FYCO1: variants seen among roughly 807,000 people sequenced by gnomAD.
FYCO1 encodes FYVE and coiled-coil domain-containing protein 1.
In FYCO1, 122 loss-of-function variants were observed where a neutral mutation model predicts 165.1. The observed-to-expected ratio is 0.74, with a 90% CI of 0.64 to 0.86. The LOEUF (loss-of-function observed/expected upper bound fraction) is 0.86. Ranked by LOEUF, FYCO1 falls within the 40% of genes least tolerant of loss-of-function variation. The pLI is 0.00. For synonymous variants in FYCO1, 648 were observed against 742.5 expected, an observed-to-expected ratio of 0.87 and a Z score of 2.07; for missense variants, 1,702 against 1,810.3, an observed-to-expected ratio of 0.94 and a Z score of 1.09.
chr3:45,939,907 A>G lies in FYCO1; in HGVS notation c.3945-3364T>C, dbSNP rs1024185215. ...GCATTAGCCACATTTCAAGTGCTCA[A>G]TTCAAGTGGCACTAGCCACCTGGAC... is the stretch of plus-strand genomic sequence containing the variant. On this transcript the variant is annotated intron_variant, in intron 14 of 17. Transcript: ENST00000296137. 1.7e-4 allele frequency among the ~76,000 whole-genome samples: 26 copies of G among 152,200 alleles called. 1 individual carries two copies. The highest frequency in any genetic ancestry group is 6.0e-4 in the African/African-American group (25 of 41,458).
intron 14 of FYCO1, chr3:45,946,655 C>T: frequency 6.2e-7 from 1 of 1,614,218 alleles, no homozygotes; most frequent in Non-Finnish European, 8.5e-7. Flanking sequence ...TATCCATCTT[C>T]TACCATAAGT....
intron 14 of FYCO1, among the ~76,000 whole-genome samples, chr3:45,937,334 G>A (rs1373010015): frequency 6.6e-6 from 1 of 152,222 alleles, no homozygotes; most frequent in Non-Finnish European, 1.5e-5. Context: ...GAAACAATCT[G>A]TGCTCTTCCA....
intron 2 of FYCO1, among the ~76,000 whole-genome samples, chr3:45,982,691 C>G (rs992324170): frequency 6.6e-6 from 1 of 152,140 alleles, no homozygotes; most frequent in African/African-American, 2.4e-5. Flanking sequence ...ATTCCTAAAC[C>G]CTGCTCCCAA....
Position 45,993,103 on chromosome 3 carries a change from A to AT in FYCO1, c.-113+2618dup, listed in dbSNP as rs1707636378. Among the ~76,000 whole-genome samples, 1 of 152,140 alleles carries AT rather than the reference A, an allele frequency of 6.6e-6. No individual in the cohort carries two copies. The highest frequency in any genetic ancestry group is 2.1e-4 in the South Asian group (1 of 4,830). ...CCACAATACTATACCCAAACCACAG[A>AT]TTCTCCTTAAGTCTTTCATCAGAAC... On this transcript the variant is annotated intron_variant, in intron 1 of 17. Coordinates refer to ENST00000296137, the MANE Select transcript of FYCO1 (RefSeq NM_024513.4). The surrounding 1 kb of genome is among the most constrained non-coding windows in gnomAD (Gnocchi z 4.4).
chr3:45,975,693 A>G (rs1467331095), intron 4 of FYCO1, among the ~76,000 whole-genome samples: 1 of 152,222 alleles, frequency 6.6e-6, no homozygotes, highest in East Asian at 1.9e-4. Context: ...TTGGAGTCAG[A>G]TAGGAACCAA....
intron 16 of FYCO1, among the ~76,000 whole-genome samples, chr3:45,926,819 CTGGGCATGG>C (rs1328671720): frequency 6.6e-6 from 1 of 152,184 alleles, no homozygotes; most frequent in African/African-American, 2.4e-5. Flanking sequence ...ACAAAATTAT[CTGGGCATGG>C]TGGCGCATGC....
intron 14 of FYCO1, among the ~76,000 whole-genome samples, chr3:45,937,407 C>T (rs1378225540): frequency 6.6e-6 from 1 of 152,200 alleles, no homozygotes; most frequent in Non-Finnish European, 1.5e-5. Flanking sequence ...CTCTGTGGCC[C>T]CCAAGGGCAG....
At chr3:45,922,276 T>C (rs1703121488) in intron 17 of FYCO1, among the ~76,000 whole-genome samples, 1 of 152,256 alleles carries the variant, frequency 6.6e-6, no homozygotes, top group South Asian at 2.1e-4. Flanking sequence ...GCCCCTGAGA[T>C]GACCTCGATG....
chr3:45,947,732 G>A (rs1704725605), intron 14 of FYCO1: 1 of 548,900 alleles, frequency 1.8e-6, no homozygotes. Context: ...AATTTTTAAG[G>A]ACTTTCCTTC....
At chr3:45,950,435 T>G (rs1336071994) in intron 14 of FYCO1, among the ~76,000 whole-genome samples, 2 of 152,072 alleles carry the variant, frequency 1.3e-5, no homozygotes, top group African/African-American at 4.8e-5. Flanking sequence ...CCAGGTGTCC[T>G]CCGTAGGTGT....
intron 5 of FYCO1, among the ~76,000 whole-genome samples, chr3:45,974,554 T>A (rs939544889): frequency 1.3e-5 from 2 of 151,022 alleles, no homozygotes; most frequent in African/African-American, 2.5e-5. Context: ...CCCTTTGTAG[T>A]TTTTTTTAGA....
chr3:45,953,361 T>C (rs1209249541), intron 14 of FYCO1, among the ~76,000 whole-genome samples: 1 of 152,184 alleles, frequency 6.6e-6, no homozygotes, highest in Non-Finnish European at 1.5e-5. Context: ...CATAAATTCT[T>C]TCTTGAGGTT....
intron 15 of FYCO1, among the ~76,000 whole-genome samples, chr3:45,935,394 C>A (rs1434985459): frequency 6.6e-6 from 1 of 152,224 alleles, no homozygotes; most frequent in Non-Finnish European, 1.5e-5. Context: ...AAAGTCCTTA[C>A]AATGGCCAAC....
intron 2 of FYCO1, 21 bp downstream of exon 2, chr3:45,984,835 C>T: frequency 6.2e-7 from 1 of 1,614,130 alleles, no homozygotes; most frequent in East Asian, 2.2e-5. Context: ...CAAACTCAGC[C>T]TGCCCAGCAA....
chr3:45,950,474 G>A (rs954622547), intron 14 of FYCO1, among the ~76,000 whole-genome samples: 1 of 152,122 alleles, frequency 6.6e-6, no homozygotes, highest in African/African-American at 2.4e-5. Context: ...TGCCATAGAA[G>A]GGAAAAGCCT....
chr3:45,957,621 A>G (rs547265619), intron 13 of FYCO1, among the ~76,000 whole-genome samples: 1 of 152,380 alleles, frequency 6.6e-6, no homozygotes, highest in East Asian at 1.9e-4. Context: ...AAGCTGTGCA[A>G]AGTACACTCC....
intron 1 of FYCO1, among the ~76,000 whole-genome samples, chr3:45,989,327 A>G (rs13315494): frequency 0.02 from 2,990 of 152,282 alleles, 104 homozygotes; most frequent in African/African-American, 0.065. Flanking sequence ...CTGGTTCAGC[A>G]CACCCAACGG....
At position 45,923,692 on chromosome 3, in the gene FYCO1, C is replaced by G; in HGVS notation, c.4325G>C (p.Gly1442Ala). The G allele has an allele frequency of 6.2e-7, 1 of 1,614,070 alleles. No individual in the cohort carries two copies. Among genetic ancestry groups the G allele is most frequent in the Non-Finnish European group, 8.5e-7 (1 of 1,179,926 alleles). ...IQGQLKVRTPGIYMLIFDNTF... is the reference protein window; with the variant it reads ...IQGQLKVRTPAIYMLIFDNTF... Reference sequence around the variant, plus strand: ...ATTGTCGAAGATGAGCATGTAGATGCCGGGTGTGCGAACCTTGAGCTGGCC... The same window carrying G: ...ATTGTCGAAGATGAGCATGTAGATGGCGGGTGTGCGAACCTTGAGCTGGCC... The change falls in exon 17 of 18, where the codon GGC becomes GCC. Residue 1442 changes from glycine to alanine, a missense_variant. By Grantham distance (60) the Gly-to-Ala change is moderately conservative. Coordinates refer to ENST00000296137, the MANE Select transcript of FYCO1 (RefSeq NM_024513.4).
intron 2 of FYCO1, among the ~76,000 whole-genome samples, chr3:45,984,148 G>T (rs751467655): frequency 1.5e-4 from 23 of 152,338 alleles, no homozygotes; most frequent in Non-Finnish European, 3.1e-4. Flanking sequence ...GTCAGCACTG[G>T]TGATGAGTGG....
Sources: gnomAD v4.1 joint callset for allele counts (sites outside exome capture counted in the v4.1 genomes callset) on GRCh38, gnomAD v4.1.1 for gene constraint, Gnocchi (gnomAD v3.1) non-coding constraint, MANE v1.5 for transcripts, NCBI Gene and HGNC (gene_info 2026-07-23, HGNC 2026-07-21) for gene names.